ZFHX4: variants seen among roughly 807,000 people sequenced by gnomAD.
The protein encoded by ZFHX4 is zinc finger homeobox protein 4.
Under a neutral mutation model 267.6 loss-of-function variants are expected in ZFHX4, and 56 were observed. That is an observed-to-expected ratio of 0.21 (90% CI 0.17 to 0.26). The LOEUF is 0.26. Ranked by LOEUF, ZFHX4 falls within the 10% of genes least tolerant of loss-of-function variation. The pLI, the probability that ZFHX4 is intolerant of heterozygous loss-of-function variation, is 1.00. For synonymous variants in ZFHX4, 1,778 were observed against 1,665.6 expected (o/e 1.07, Z -1.64); for missense variants, 4,332 against 4,420.0 (o/e 0.98, Z 0.56).
At chr8:76,719,879 C>A (rs1306652770) in intron 3 of ZFHX4, among the ~76,000 whole-genome samples, 3 of 152,100 alleles carry the variant, frequency 2.0e-5, no homozygotes, top group Non-Finnish European at 4.4e-5. Flanking sequence ...GAAAGCAGTT[C>A]TGCATTAGAA....
At chr8:76,781,911 G>A (rs1716142364) in intron 4 of ZFHX4, among the ~76,000 whole-genome samples, 1 of 151,970 alleles carries the variant, frequency 6.6e-6, no homozygotes, top group African/African-American at 2.4e-5. Context: ...AAGAATGTTA[G>A]CCTTCAATTG....
intron 1 of ZFHX4, among the ~76,000 whole-genome samples, chr8:76,692,956 C>CA (rs1389559761): frequency 1.3e-5 from 2 of 152,116 alleles, no homozygotes; most frequent in Non-Finnish European, 1.5e-5. Context: ...ATTTGAAGCA[C>CA]ATTTATTTAA....
At position 76,849,584 on chromosome 8, in the gene ZFHX4, C is replaced by G; in HGVS notation, c.3718C>G (p.His1240Asp). 6.2e-7 allele frequency: 1 copy of G among 1,613,968 alleles called. No individual in the cohort carries two copies. Among genetic ancestry groups the G allele is most frequent in the East Asian group, 2.2e-5 (1 of 44,872 alleles). ...SRIQMHVLSQHSVQPVICCPL... is the reference protein window; with the variant it reads ...SRIQMHVLSQDSVQPVICCPL... Reference sequence around the variant, plus strand: ...TATCCAGATGCACGTCCTATCACAGCACTCGGTGCAGCCGGTCATCTGCTG... The same window carrying G: ...TATCCAGATGCACGTCCTATCACAGGACTCGGTGCAGCCGGTCATCTGCTG... Residue 1240 changes from histidine (H) to aspartate (D), a missense_variant, in exon 8 of 11, where the codon CAC becomes GAC. Physicochemically the swap from His to Asp is moderately conservative, Grantham distance 81. Coordinates refer to ENST00000651372, the MANE Select transcript of ZFHX4 (RefSeq NM_024721.5).
At chr8:76,780,428 T>C (rs535516401) in intron 4 of ZFHX4, among the ~76,000 whole-genome samples, 5 of 152,278 alleles carry the variant, frequency 3.3e-5, no homozygotes, top group East Asian at 3.9e-4. Context: ...ATAAACCAAA[T>C]GATATCAGTA....
intron 3 of ZFHX4, among the ~76,000 whole-genome samples, chr8:76,711,512 C>T (rs1808423963): frequency 6.6e-6 from 1 of 152,160 alleles, no homozygotes; most frequent in African/African-American, 2.4e-5. Flanking sequence ...AGTTTTTCAG[C>T]TAACCCATTT....
intron 6 of ZFHX4, among the ~76,000 whole-genome samples, chr8:76,848,661 T>C (rs183048202): frequency 6.6e-6 from 1 of 152,244 alleles, no homozygotes; most frequent in African/African-American, 2.4e-5. Context: ...ATTTTTTAAG[T>C]TAGTATTTGT....
At chr8:76,748,436 T>C (rs1454156043) in intron 3 of ZFHX4, among the ~76,000 whole-genome samples, 1 of 152,218 alleles carries the variant, frequency 6.6e-6, no homozygotes, top group Non-Finnish European at 1.5e-5. Flanking sequence ...ATTGTTTTAT[T>C]TGTATTTGTA....
chr8:76,685,531 A>G (rs969409461), intron 1 of ZFHX4, among the ~76,000 whole-genome samples: 1 of 152,218 alleles, frequency 6.6e-6, no homozygotes, highest in Non-Finnish European at 1.5e-5. Context: ...ACTAAAAGAT[A>G]TTGAAAATAT....
Position 76,851,923 on chromosome 8 carries a change from A to C in ZFHX4, c.5002A>C (p.Lys1668Gln). 6.2e-7 allele frequency: 1 copy of C among 1,614,036 alleles called. No homozygotes were observed. The highest frequency in any genetic ancestry group is 8.5e-7 in the Non-Finnish European group (1 of 1,179,872). ...CAGCAAAGATACCCATTTAGATGCC[A>C]AAGAATTAAATAAAAAGCAAACTCC... ...VNSKDTHLDA[K>Q]ELNKKQTPDL... The change falls in exon 10 of 11, where the codon AAA becomes CAA. Residue 1668 changes from lysine (K) to glutamine (Q), a missense_variant. Physicochemically the swap from Lys to Gln is moderately conservative, Grantham distance 53. Transcript: ENST00000651372.
intron 3 of ZFHX4, among the ~76,000 whole-genome samples, chr8:76,719,955 C>T (rs973907802): frequency 6.6e-6 from 1 of 152,070 alleles, no homozygotes; most frequent in Non-Finnish European, 1.5e-5. Context: ...ATCTTGAGAC[C>T]ATTGTCTTCT....
intron 1 of ZFHX4, chr8:76,683,159 C>T (rs1807590752): frequency 6.6e-6 from 1 of 152,144 alleles, no homozygotes; most frequent in African/African-American, 2.4e-5. Flanking sequence ...CCGCGCGGTT[C>T]TGGTGAGGTT....
chr8:76,850,395 A>G lies in ZFHX4; in HGVS notation c.3964+33A>G, dbSNP rs150117387. The G allele has an allele frequency of 2.3e-5, 36 of 1,538,546 alleles. No homozygotes were observed. In the African/African-American group the frequency reaches 4.2e-4, roughly 18 times the overall value. On this transcript the variant is annotated intron_variant, in intron 9 of 10. Transcript: ENST00000651372. Reference sequence around the variant, plus strand: ...ATCTTATCATCAAGACTTGTGAACAATACGCTTAGGGGCTTTGCATTTGTG... The same window carrying G: ...ATCTTATCATCAAGACTTGTGAACAGTACGCTTAGGGGCTTTGCATTTGTG...
chr8:76,786,065 G>C (rs1317279194), intron 4 of ZFHX4, among the ~76,000 whole-genome samples: 1 of 152,102 alleles, frequency 6.6e-6, no homozygotes, highest in African/African-American at 2.4e-5. Context: ...AGGAAACTGA[G>C]CTTTAGAGAG....
At position 76,853,209 on chromosome 8, in the gene ZFHX4, C is replaced by T; in HGVS notation, c.6288C>T (p.Ala2096=). ...VQHPALPPQL[A]LQLPQMDALS... Reference sequence around the variant, plus strand: ...ACCCTGCGCTTCCTCCCCAGCTTGCCCTGCAGCTGCCACAGATGGACGCAC... The same window carrying T: ...ACCCTGCGCTTCCTCCCCAGCTTGCTCTGCAGCTGCCACAGATGGACGCAC... Residue 2096 remains alanine, a synonymous_variant, in exon 10 of 11, where the codon GCC becomes GCT. Coordinates refer to ENST00000651372, the MANE Select transcript of ZFHX4 (RefSeq NM_024721.5). 1 of 1,562,512 alleles carries T rather than the reference C, an allele frequency of 6.4e-7. No homozygotes were observed. The highest frequency in any genetic ancestry group is 8.7e-7 in the Non-Finnish European group (1 of 1,153,208).
At chr8:76,798,896 T>C (rs1039282581) in intron 4 of ZFHX4, among the ~76,000 whole-genome samples, 1 of 152,184 alleles carries the variant, frequency 6.6e-6, no homozygotes, top group African/African-American at 2.4e-5. Flanking sequence ...TTACAGCAGA[T>C]AGAGCAAATG....
chr8:76,716,559 G>T (rs1447716766), intron 3 of ZFHX4, among the ~76,000 whole-genome samples: 1 of 152,084 alleles, frequency 6.6e-6, no homozygotes, highest in Non-Finnish European at 1.5e-5. Context: ...CATTAATAAG[G>T]TTTTTTAATT....
chr8:76,854,476 G>A lies in ZFHX4; in HGVS notation c.7555G>A (p.Ala2519Thr), dbSNP rs1812647471. ...QEHQHMHFLAAQNQFLHSPFL... is the reference protein window; with the variant it reads ...QEHQHMHFLATQNQFLHSPFL... The stretch of plus-strand genomic sequence containing the variant: ...ACACCAGCACATGCACTTCCTTGCT[G>A]CTCAAAACCAATTCCTTCACTCTCC... The change falls in exon 10 of 11, where the codon GCT becomes ACT. Residue 2519 changes from alanine (A) to threonine (T), a missense_variant. By Grantham distance (58) the Ala-to-Thr change is moderately conservative (BLOSUM62 0). Transcript: ENST00000651372. 6.2e-7 allele frequency: 1 copy of A among 1,613,678 alleles called. No homozygotes were observed. The highest frequency in any genetic ancestry group is 1.7e-5 in the Admixed American group (1 of 59,974).
intron 4 of ZFHX4, among the ~76,000 whole-genome samples, chr8:76,810,478 G>C (rs1024394435): frequency 6.6e-6 from 1 of 152,124 alleles, no homozygotes; most frequent in South Asian, 2.1e-4. Context: ...AGAACAAAAT[G>C]AATTCTTATC....
rs147021827 is a variant in ZFHX4 at position 76,779,614 on chromosome 8, G to A, written c.3325+1175G>A. Among the ~76,000 whole-genome samples the A allele has an allele frequency of 2.4e-3, 369 of 152,266 alleles. 1 individual carries two copies. The highest frequency in any genetic ancestry group is 3.7e-3 in the Non-Finnish European group (252 of 68,016). ...GCAGCGAAAAGTCATCCATAAAAAT[G>A]AAAATGGCACTCTAATTAGCTGCTA... is the stretch of plus-strand genomic sequence containing the variant. On this transcript the variant is annotated intron_variant, in intron 4 of 10. Transcript: ENST00000651372.
Sources: allele counts gnomAD v4.1 joint callset (sites outside exome capture counted in the v4.1 genomes callset), GRCh38; gene constraint gnomAD v4.1.1; transcripts MANE v1.5; gene names NCBI Gene and HGNC (gene_info 2026-07-23, HGNC 2026-07-21).